The following DCC variants were observed in gnomAD, a reference collection of about 807,000 sequenced individuals.
DCC encodes DCC netrin 1 receptor.
Under a neutral mutation model 172.5 loss-of-function variants are expected in DCC, and 58 were observed. The observed-to-expected ratio is 0.34, with a 90% confidence interval of 0.27 to 0.42. The LOEUF is 0.42. Among genes scored for constraint, DCC ranks in the 10% least tolerant of loss-of-function variants. DCC has a pLI of 1.00. For missense variants in DCC, 1,740 were observed against 1,791.0 expected, an observed-to-expected ratio of 0.97 and a Z score of 0.51; for synonymous variants, 709 against 644.5, an observed-to-expected ratio of 1.10 and a Z score of -1.52.
rs114538636 is a variant in DCC at position 52,925,490 on chromosome 18, A to G, written c.985+120A>G. 1.9e-3 allele frequency: 1,832 copies of G among 979,616 alleles called. 23 individuals are homozygous for G. In the African/African-American group the frequency reaches 0.026, roughly 14 times the overall value. The allele number at this position is 979,616 out of a possible 1,614,324, so 60.7% of individuals were successfully genotyped here. On this transcript the variant is annotated intron_variant, in intron 5 of 28. Coordinates refer to ENST00000442544, the MANE Select transcript of DCC (RefSeq NM_005215.4). The stretch of plus-strand genomic sequence containing the variant: ...ATTAGTGTGAAATTGCAAAGTCCCA[A>G]TACTCCACACATGTCCTTGCTTTGC...
chr18:53,224,877 T>C (rs1437569571), intron 12 of DCC, among the ~76,000 whole-genome samples: 10 of 152,172 alleles, frequency 6.6e-5, no homozygotes, highest in Non-Finnish European at 1.5e-4. Flanking sequence ...GACAAGTTGG[T>C]ATATGATAAT....
chr18:52,630,932 G>A (rs894098991), intron 1 of DCC, among the ~76,000 whole-genome samples: 1 of 152,062 alleles, frequency 6.6e-6, no homozygotes, highest in African/African-American at 2.4e-5. Flanking sequence ...TACACACCTC[G>A]AGTACTATGC....
intron 5 of DCC, among the ~76,000 whole-genome samples, chr18:52,975,802 A>G (rs1378210004): frequency 6.6e-6 from 1 of 152,212 alleles, no homozygotes; most frequent in African/African-American, 2.4e-5. Context: ...TATTATGAAT[A>G]GTGCTGCAAT....
At chr18:52,790,268 G>A (rs1181067959) in intron 2 of DCC, among the ~76,000 whole-genome samples, 1 of 152,158 alleles carries the variant, frequency 6.6e-6, no homozygotes, top group Non-Finnish European at 1.5e-5. Flanking sequence ...TCCTGGGTCT[G>A]CATCCTAGCC....
chr18:53,360,152 T>C (rs756536245), intron 15 of DCC, among the ~76,000 whole-genome samples: 108 of 152,190 alleles, frequency 7.1e-4, no homozygotes, highest in Non-Finnish European at 1.4e-3. Flanking sequence ...TTTTTGTTTA[T>C]TAGGTATTGT....
At chr18:53,231,450 A>T (rs1454919131) in intron 12 of DCC, among the ~76,000 whole-genome samples, 1 of 152,152 alleles carries the variant, frequency 6.6e-6, no homozygotes, top group Non-Finnish European at 1.5e-5. Context: ...ATAGATAATA[A>T]AGCAAGTGTC....
rs779518696 is a variant in DCC at position 52,373,887 on chromosome 18, C to CTTTTTTTTT, written c.91+33009_91+33010insTTTTTTTTT. Among the ~76,000 whole-genome samples the CTTTTTTTTT allele has an allele frequency of 8.5e-5, 12 of 141,150 alleles. 1 individual carries two copies. Among genetic ancestry groups the CTTTTTTTTT allele is most frequent in the Admixed American group, 1.4e-4 (2 of 14,020 alleles). The allele number at this position is 141,150 out of a possible 152,430, so 92.6% of individuals were successfully genotyped here. On this transcript the variant is annotated intron_variant, in intron 1 of 28. Transcript: ENST00000442544. ...ATCAATGAAGCATATTTGGTTGCAT[C>CTTTTTTTTT]ATTTTTTTTTTTTTTTTTTTTTTGA... is the stretch of plus-strand genomic sequence containing the variant.
intron 1 of DCC, among the ~76,000 whole-genome samples, chr18:52,479,690 T>C (rs1220405634): frequency 6.6e-6 from 1 of 151,956 alleles, no homozygotes; most frequent in East Asian, 1.9e-4. Flanking sequence ...CAAGTGTAAT[T>C]TGAGGACAAA....
rs556882523 is a variant in DCC, at chr18:52,473,352, T to C, written c.91+132474T>C. ...CTAAACAATTGTTTGATGACACTGGTCTCTCAAGTCAATTGGCATCTCCAA... is the reference window on the plus strand; with the variant it reads ...CTAAACAATTGTTTGATGACACTGGCCTCTCAAGTCAATTGGCATCTCCAA... On this transcript the variant is annotated intron_variant, in intron 1 of 28. Coordinates refer to ENST00000442544, the MANE Select transcript of DCC (RefSeq NM_005215.4). 5.9e-5 allele frequency among the ~76,000 whole-genome samples: 9 copies of C among 152,324 alleles called. No individual in the cohort carries two copies. The East Asian group carries it at 1.5e-3, about 26-fold the overall frequency.
chr18:52,927,076 T>TGTGTATATATACGTATATAC (rs1555682795), intron 5 of DCC, among the ~76,000 whole-genome samples: 2,097 of 66,490 alleles, frequency 0.032, 455 homozygotes, highest in Non-Finnish European at 0.053. Flanking sequence ...CACACATATA[T>TGTGTATATATACGTATATAC]GTGTATATAC....
At chr18:52,400,495 G>A (rs1986393375) in intron 1 of DCC, among the ~76,000 whole-genome samples, 1 of 152,054 alleles carries the variant, frequency 6.6e-6, no homozygotes, top group Non-Finnish European at 1.5e-5. Context: ...CGCTGTTGGT[G>A]GGAGTATAAA....
intron 23 of DCC, among the ~76,000 whole-genome samples, chr18:53,452,928 T>TTTGC (rs762396216): frequency 6.6e-6 from 1 of 151,118 alleles, no homozygotes; most frequent in African/African-American, 2.5e-5. Flanking sequence ...TGTTTGTTTG[T>TTTGC]TTTTTGAGAT....
rs114514055 is a variant in DCC at position 52,999,547 on chromosome 18, C to G, written c.986-63758C>G. On this transcript the variant is annotated intron_variant, in intron 5 of 28. Transcript: ENST00000442544. ...GTGAATTTGGGCTTTAATAAAAACA[C>G]TGGCCTTATATCTGACAAAATCTGT... Among the ~76,000 whole-genome samples, 988 of 152,128 alleles carry G rather than the reference C, an allele frequency of 6.5e-3. 7 individuals carry two copies. The highest frequency in any genetic ancestry group is 0.023 in the African/African-American group (945 of 41,514).
At chr18:52,608,914 A>G (rs1778238501) in intron 1 of DCC, among the ~76,000 whole-genome samples, 1 of 152,152 alleles carries the variant, frequency 6.6e-6, no homozygotes, top group Non-Finnish European at 1.5e-5. Context: ...AAATTCTACC[A>G]TCAGACAATT....
rs770703625 is a variant in DCC at position 53,506,540 on chromosome 18, G to GAAGA, written c.4111+7032_4111+7035dup. On this transcript the variant is annotated intron_variant, in intron 27 of 28. Transcript: ENST00000442544. ...ACAGACATGCAGTGGCCTCCATAAA[G>GAAGA]AAGAATAGAATTCTCTGCGTTCATA... 7.2e-5 allele frequency among the ~76,000 whole-genome samples: 11 copies of GAAGA among 152,192 alleles called. No individual in the cohort carries two copies. In the East Asian group the frequency reaches 1.7e-3, roughly 24 times the overall value.
chr18:52,472,935 G>A (rs918762377), intron 1 of DCC, among the ~76,000 whole-genome samples: 1 of 151,962 alleles, frequency 6.6e-6, no homozygotes, highest in Non-Finnish European at 1.5e-5. Flanking sequence ...TTAAATTAAA[G>A]ACCCTTAATT....
intron 1 of DCC, among the ~76,000 whole-genome samples, chr18:52,417,128 A>T (rs1256713363): frequency 2.0e-5 from 3 of 152,102 alleles, no homozygotes; most frequent in Non-Finnish European, 4.4e-5. Context: ...TCCTTCACTT[A>T]TGAAGCTTAG....
intron 12 of DCC, among the ~76,000 whole-genome samples, chr18:53,296,906 T>A (rs775816749): frequency 6.6e-6 from 1 of 152,176 alleles, no homozygotes; most frequent in Non-Finnish European, 1.5e-5. Context: ...CATAGCTTTC[T>A]ATGGGAATTC....
At chr18:52,650,569 G>A (rs1407573502) in intron 1 of DCC, among the ~76,000 whole-genome samples, 2 of 151,812 alleles carry the variant, frequency 1.3e-5, no homozygotes, top group Admixed American at 6.6e-5. Context: ...TTGTTTGTTT[G>A]TTTGTTTTGT....
Sources: gnomAD v4.1 joint callset for allele counts (sites outside exome capture counted in the v4.1 genomes callset) on GRCh38, gnomAD v4.1.1 for gene constraint, MANE v1.5 for transcripts, NCBI Gene and HGNC (gene_info 2026-07-23, HGNC 2026-07-21) for gene names.